The following SLC2A9 variants were observed in gnomAD, a reference collection of about 807,000 sequenced individuals.
SLC2A9 encodes solute carrier family 2 member 9, also known as solute carrier family 2, facilitated glucose transporter member 9.
Under a neutral mutation model 50.6 loss-of-function variants are expected in SLC2A9, and 39 were observed. The observed-to-expected ratio is 0.77, with a 90% CI of 0.60 to 1.01. The LOEUF is 1.01. Among genes scored for constraint, SLC2A9 ranks in the 50% least tolerant of loss-of-function variants. The pLI is 0.00. For synonymous variants in SLC2A9, 324 were observed against 276.9 expected (o/e 1.17, Z -1.69); for missense variants, 686 against 677.6 (o/e 1.01, Z -0.14).
chr4:9,994,830 C>A (rs1191348088), intron 3 of SLC2A9, among the ~76,000 whole-genome samples: 2 of 151,984 alleles, frequency 1.3e-5, no homozygotes, highest in Non-Finnish European at 2.9e-5. Context: ...AGGTATAAAG[C>A]AAGGAGACAT....
chr4:9,832,414 A>G (rs1035713870), intron 11 of SLC2A9, among the ~76,000 whole-genome samples: 1 of 152,200 alleles, frequency 6.6e-6, no homozygotes, highest in Non-Finnish European at 1.5e-5. Context: ...GGAGGCTGAC[A>G]TTTCACAAAA....
chr4:9,920,285 C>A, intron 7 of SLC2A9, 100 bp downstream of exon 7: 1 of 1,296,558 alleles, frequency 7.7e-7, no homozygotes, highest in South Asian at 1.3e-5. Context: ...AATGACAGAA[C>A]TGAGATTTGA....
At chr4:9,882,711 G>GT (rs1735450526) in intron 10 of SLC2A9, among the ~76,000 whole-genome samples, 1 of 118,934 alleles carries the variant, frequency 8.4e-6, no homozygotes, top group Non-Finnish European at 1.6e-5. Flanking sequence ...TCTGTCTCAA[G>GT]AAAAAAAAAA....
intron 2 of SLC2A9, among the ~76,000 whole-genome samples, chr4:10,008,298 G>T (rs369902151): frequency 1.3e-5 from 2 of 152,214 alleles, no homozygotes; most frequent in African/African-American, 4.8e-5. Context: ...GGTGCGGGGG[G>T]AGTTGGCACT....
At chr4:9,840,848 C>G (rs1188209139) in intron 10 of SLC2A9, among the ~76,000 whole-genome samples, 2 of 152,120 alleles carry the variant, frequency 1.3e-5, no homozygotes, top group African/African-American at 4.8e-5. Context: ...GCTGCGGAGG[C>G]CTCAGGAAAC....
chr4:9,911,369 T>C (rs28643326), intron 7 of SLC2A9, among the ~76,000 whole-genome samples: 41,286 of 151,314 alleles, frequency 0.27, 5,946 homozygotes, highest in African/African-American at 0.36. Flanking sequence ...CATCAGCTGA[T>C]AGAGTGGGAA....
At chr4:9,970,402 GC>G (rs1753711959) in intron 5 of SLC2A9, among the ~76,000 whole-genome samples, 1 of 152,130 alleles carries the variant, frequency 6.6e-6, no homozygotes, top group Admixed American at 6.5e-5. Context: ...AGCTCCCTTG[GC>G]CAGAACTAAG....
At chr4:9,825,738 G>T (rs1725034383), downstream of SLC2A9, among the ~76,000 whole-genome samples, 1 of 152,178 alleles carries the variant, frequency 6.6e-6, no homozygotes, top group Non-Finnish European at 1.5e-5. Flanking sequence ...GAAGTTTTGA[G>T]CCCATTCCTG....
chr4:9,957,876 G>C (rs1751580424), intron 5 of SLC2A9, among the ~76,000 whole-genome samples: 1 of 152,050 alleles, frequency 6.6e-6, no homozygotes, highest in Admixed American at 6.6e-5. Context: ...GGGAGGTTAG[G>C]AGAAAATTAT....
At chr4:9,844,182 T>TAAA (rs1553839931) in intron 10 of SLC2A9, among the ~76,000 whole-genome samples, 12 of 110,092 alleles carry the variant, frequency 1.1e-4, no homozygotes, top group Non-Finnish European at 2.5e-4. Flanking sequence ...AAAAAAAAAG[T>TAAA]CCTTCTGACT....
chr4:9,997,519 G>A (rs1474004601), intron 2 of SLC2A9, among the ~76,000 whole-genome samples: 2 of 152,148 alleles, frequency 1.3e-5, no homozygotes, highest in Non-Finnish European at 2.9e-5. Flanking sequence ...GGCCAAGATG[G>A]TGAAACCCTG....
intron 3 of SLC2A9, among the ~76,000 whole-genome samples, chr4:9,807,851 G>A (rs1050372772): frequency 3.3e-5 from 5 of 152,192 alleles, no homozygotes; most frequent in South Asian, 2.1e-4. Flanking sequence ...GTGACTCTCA[G>A]GGCCCTAGAA....
chr4:10,013,567 A>G (rs1437059491), intron 2 of SLC2A9, among the ~76,000 whole-genome samples: 1 of 152,206 alleles, frequency 6.6e-6, no homozygotes, highest in Non-Finnish European at 1.5e-5. Flanking sequence ...TATTATAACA[A>G]GGATCCAGTG....
rs563430281 is a variant in SLC2A9, at chr4:9,782,024, C to A, written n.386-1959G>T. On this transcript the variant is annotated intron_variant and non_coding_transcript_variant, in intron 3 of 3. Transcript: ENST00000503803. ...CGCACAGACCGCCCCTGCAGTCCAGCCCGAAATGCTGCCGCCAGGCAGCAA... is the reference window on the plus strand; with the variant it reads ...CGCACAGACCGCCCCTGCAGTCCAGACCGAAATGCTGCCGCCAGGCAGCAA... The A allele has an allele frequency of 6.9e-6, 10 of 1,458,024 alleles. No homozygotes were observed. The South Asian group carries it at 7.2e-5, about 10-fold the overall frequency. 90.3% of individuals were successfully genotyped at this position (1,458,024 alleles called of 1,614,324 possible). A position where few individuals can be genotyped will look rare whatever the true frequency, so the allele number is the denominator to read the frequency against.
chr4:9,999,918 G>C (rs1257664842), intron 2 of SLC2A9, among the ~76,000 whole-genome samples: 2 of 152,108 alleles, frequency 1.3e-5, no homozygotes, highest in Non-Finnish European at 2.9e-5. Context: ...GATATATTTT[G>C]AGAGTAGAAT....
intron 10 of SLC2A9, among the ~76,000 whole-genome samples, chr4:9,842,658 T>C (rs1043120454): frequency 3.3e-5 from 5 of 152,192 alleles, no homozygotes; most frequent in Admixed American, 2.0e-4. Flanking sequence ...GAAGGTGTCA[T>C]GTCTGTATCC....
chr4:9,935,683 T>C (rs1397522652), intron 6 of SLC2A9, among the ~76,000 whole-genome samples: 4 of 152,192 alleles, frequency 2.6e-5, no homozygotes, highest in Non-Finnish European at 4.4e-5. Context: ...CAAGAAGTCA[T>C]TGGTGAGGAA....
intron 7 of SLC2A9, among the ~76,000 whole-genome samples, chr4:9,917,703 G>A (rs1369023511): frequency 6.6e-6 from 1 of 152,186 alleles, no homozygotes; most frequent in Non-Finnish European, 1.5e-5. Context: ...TGAGCCATCT[G>A]TGATGTTTGC....
intron 10 of SLC2A9, chr4:9,879,354 G>GTT: frequency 2.0e-6 from 1 of 508,310 alleles, no homozygotes; most frequent in South Asian, 8.2e-5. Flanking sequence ...ACCATGAAGC[G>GTT]TGTGTGTGTG....
Sources: gnomAD v4.1 joint callset for allele counts (sites outside exome capture counted in the v4.1 genomes callset) on GRCh38, gnomAD v4.1.1 for gene constraint, MANE v1.5 for transcripts, NCBI Gene and HGNC (gene_info 2026-07-23, HGNC 2026-07-21) for gene names.